The following IL26 variants were observed in gnomAD, a reference collection of about 807,000 sequenced individuals.
IL26 encodes the protein interleukin 26, also known as interleukin-26.
Under a neutral mutation model 21.7 loss-of-function variants are expected in IL26, and 23 were observed. The observed-to-expected ratio is 1.06, with a 90% CI of 0.76 to 1.50. The LOEUF (loss-of-function observed/expected upper bound fraction) is 1.50. Ranked by LOEUF, IL26 falls within the 40% of genes most tolerant of loss-of-function variation. The pLI, the probability that IL26 is intolerant of heterozygous loss-of-function variation, is 0.00. For synonymous variants in IL26, 63 were observed against 67.8 expected, an observed-to-expected ratio of 0.93 and a Z score of 0.34; for missense variants, 204 against 196.0, an observed-to-expected ratio of 1.04 and a Z score of -0.24.
At chr12:68,220,634 A>G (rs1242302885) in intron 3 of IL26, among the ~76,000 whole-genome samples, 1 of 152,258 alleles carries the variant, frequency 6.6e-6, no homozygotes, top group Non-Finnish European at 1.5e-5. Context: ...AAATCTCTTC[A>G]AAAGACACTA....
chr12:68,203,288 T>C (rs1868438767), intron 3 of IL26, among the ~76,000 whole-genome samples: 2 of 152,136 alleles, frequency 1.3e-5, no homozygotes, highest in African/African-American at 4.8e-5. Context: ...TCCCACAAAT[T>C]TCTATAGGAC....
At chr12:68,221,063 A>G (rs1284324246) in intron 3 of IL26, among the ~76,000 whole-genome samples, 5 of 152,224 alleles carry the variant, frequency 3.3e-5, no homozygotes, top group Admixed American at 3.3e-4. Flanking sequence ...TCTCCCTGCT[A>G]CTTGATCTTT....
intron 3 of IL26, among the ~76,000 whole-genome samples, chr12:68,218,751 C>A (rs7132188): frequency 0.74 from 111,668 of 151,804 alleles, 41,645 homozygotes; most frequent in African/African-American, 0.87. Flanking sequence ...CACAAGAAGC[C>A]TGAAGAAAAC....
At chr12:68,220,426 T>TC (rs1407784200) in intron 3 of IL26, among the ~76,000 whole-genome samples, 1 of 152,184 alleles carries the variant, frequency 6.6e-6, no homozygotes, top group African/African-American at 2.4e-5. Context: ...GTTTCAATTG[T>TC]CCAAAAATTA....
Position 68,212,972 on chromosome 12 carries a change from T to C in IL26, c.364-10889A>G, listed in dbSNP as rs1474727780. Among the ~76,000 whole-genome samples, 4 of 152,270 alleles carry C rather than the reference T, an allele frequency of 2.6e-5. No individual in the cohort carries two copies. In the East Asian group the frequency reaches 7.7e-4, roughly 29 times the overall value. ...GTGGTCAAACTTGTCCTGTTCCAGATGATAGAGGAGAGGCTTTCAATTTTT... is the reference window on the plus strand; with the variant it reads ...GTGGTCAAACTTGTCCTGTTCCAGACGATAGAGGAGAGGCTTTCAATTTTT... On this transcript the variant is annotated intron_variant, in intron 3 of 4. Transcript: ENST00000229134.
At chr12:68,211,258 A>G (rs1345868107) in intron 3 of IL26, among the ~76,000 whole-genome samples, 2 of 152,178 alleles carry the variant, frequency 1.3e-5, no homozygotes, top group Non-Finnish European at 2.9e-5. Context: ...TGCAAATGAC[A>G]GAATTTCATT....
intron 3 of IL26, among the ~76,000 whole-genome samples, chr12:68,210,775 TAGAA>T (rs908679614): frequency 6.0e-4 from 91 of 152,196 alleles, no homozygotes; most frequent in Non-Finnish European, 1.8e-4. Context: ...AGAAAAAAAT[TAGAA>T]AGAGTTTTTT....
chr12:68,224,910 C>A (rs1251389933), intron 3 of IL26, among the ~76,000 whole-genome samples: 9 of 152,202 alleles, frequency 5.9e-5, no homozygotes, highest in African/African-American at 2.2e-4. Context: ...TGTCATGTTA[C>A]TTTAGCTCTC....
chr12:68,223,902 T>TTTG (rs1415372503), intron 3 of IL26, among the ~76,000 whole-genome samples: 2 of 143,374 alleles, frequency 1.4e-5, no homozygotes, highest in Non-Finnish European at 3.1e-5. Context: ...TTTTTTTTTT[T>TTTG]GCTTGTTTTT....
chr12:68,221,845 T>C (rs554698717), intron 3 of IL26, among the ~76,000 whole-genome samples: 5 of 152,300 alleles, frequency 3.3e-5, no homozygotes, highest in African/African-American at 1.2e-4. Flanking sequence ...ATCATTGGAA[T>C]TGCAATATTT....
intron 3 of IL26, among the ~76,000 whole-genome samples, chr12:68,205,929 T>A (rs1486213668): frequency 6.6e-6 from 1 of 152,202 alleles, no homozygotes. Context: ...CTGGCACTGG[T>A]TCAGAAACAC....
rs746063379 is a variant in IL26, at chr12:68,225,750, C to T, written c.7G>A (p.Val3Met). The change falls in exon 1 of 5, where the codon GTG becomes ATG. Residue 3 changes from valine to methionine, a missense_variant. By Grantham distance (21) the Val-to-Met change is conservative (BLOSUM62 1). Coordinates refer to ENST00000229134, the MANE Select transcript of IL26 (RefSeq NM_018402.2). ...AACCCACACCTCAAAATGAAATTCA[C>T]CAGCATTTCCCTTCACCCCACTCAG... ML[V>M]NFILRCGLLL... 2 of 1,613,640 alleles carry T rather than the reference C, an allele frequency of 1.2e-6. No homozygotes were observed. Among genetic ancestry groups the T allele is most frequent in the African/African-American group, 2.7e-5 (2 of 74,898 alleles).
At chr12:68,209,437 T>G (rs1045806037) in intron 3 of IL26, among the ~76,000 whole-genome samples, 2 of 151,860 alleles carry the variant, frequency 1.3e-5, no homozygotes, top group African/African-American at 2.4e-5. Context: ...TAATGGAGAG[T>G]AGGTTCTTTT....
At chr12:68,207,936 A>G (rs759489) in intron 3 of IL26, among the ~76,000 whole-genome samples, 41,348 of 152,132 alleles carry the variant, frequency 0.27, 7,017 homozygotes, top group Non-Finnish European at 0.39. Context: ...TCTAGGATAC[A>G]CATCTCATCT....
In IL26 at chr12:68,201,876, C is replaced by T. The variant is rs1467316085; in HGVS notation, c.485G>A (p.Trp162Ter). ...ACTGCTTTCCAATAATTTTTTAATC[C>T]AGGAAAGAAGAATATCCAGTTCACT... ...AISELDILLS[W>*]IKKLLESSQ The change falls in exon 5 of 5, where the codon TGG (tryptophan) becomes TAG (stop). Residue 162 changes from tryptophan to a stop codon, truncating the protein, a stop_gained. Coordinates refer to ENST00000229134, the MANE Select transcript of IL26 (RefSeq NM_018402.2). LOFTEE classifies it high-confidence loss of function. 6.3e-7 allele frequency: 1 copy of T among 1,598,378 alleles called. No homozygotes were observed. Among genetic ancestry groups the T allele is most frequent in the South Asian group, 1.2e-5 (1 of 86,712 alleles).
In IL26 at chr12:68,203,089, C is replaced by T. The variant is rs150841571; in HGVS notation, c.364-1006G>A. 3.2e-4 allele frequency among the ~76,000 whole-genome samples: 49 copies of T among 152,258 alleles called. No individual in the cohort carries two copies. In the East Asian group the frequency reaches 5.2e-3, roughly 16 times the overall value. The stretch of plus-strand genomic sequence containing the variant: ...CAGTGTAGACTACAAGGAGAAGGCA[C>T]CTAGGACATTAAATATTACTTTCGA... On this transcript the variant is annotated intron_variant, in intron 3 of 4. Transcript: ENST00000229134.
chr12:68,225,093 T>C, intron 3 of IL26, 56 bp downstream of exon 3: 1 of 1,525,890 alleles, frequency 6.6e-7, no homozygotes, highest in Non-Finnish European at 8.8e-7. Flanking sequence ...TCTTACATGC[T>C]GACTTCTAAA....
In IL26 at chr12:68,222,528, T is replaced by C. The variant is rs11570991; in HGVS notation, c.363+2621A>G. ...GAATCCTGTTTAGCCTATAGCATCA[T>C]ACTAACCTAAGCATTATCCCAGAGT... On this transcript the variant is annotated intron_variant, in intron 3 of 4. Coordinates refer to ENST00000229134, the MANE Select transcript of IL26 (RefSeq NM_018402.2). Among the ~76,000 whole-genome samples the C allele has an allele frequency of 8.2e-3, 1,252 of 152,326 alleles. 19 individuals carry two copies. The highest frequency in any genetic ancestry group is 0.028 in the African/African-American group (1,181 of 41,568).
chr12:68,202,001 G>A lies in IL26; in HGVS notation c.429+17C>T, dbSNP rs766176256. ...TAAAAAACAAAGTTTTTTAATATAA[G>A]GATTTAGAATTCTTACCCTATAAAA... On this transcript the variant is annotated intron_variant, in intron 4 of 4. Transcript: ENST00000229134. The A allele has an allele frequency of 6.5e-7, 1 of 1,548,922 alleles. No homozygotes were observed. The highest frequency in any genetic ancestry group is 1.2e-5 in the South Asian group (1 of 82,240).
Sources: gnomAD v4.1 joint callset for allele counts (sites outside exome capture counted in the v4.1 genomes callset) on GRCh38, gnomAD v4.1.1 for gene constraint, MANE v1.5 for transcripts, NCBI Gene and HGNC (gene_info 2026-07-23, HGNC 2026-07-21) for gene names.